CALD1: variants seen among roughly 807,000 people sequenced by gnomAD.
The protein encoded by CALD1 is caldesmon.
CALD1 carries 33 observed loss-of-function variants against 99.9 expected under a neutral mutation model. The ratio of observed to expected loss-of-function variants is 0.33; its 90% CI spans 0.25 to 0.44. The LOEUF is 0.44. Among genes scored for constraint, CALD1 ranks in the 20% least tolerant of loss-of-function variants. The probability of loss-of-function intolerance (pLI) is 1.00; values close to 1 mark genes in which losing one functional copy is unlikely to be tolerated. For synonymous variants in CALD1, 310 were observed against 325.0 expected, an observed-to-expected ratio of 0.95 and a Z score of 0.50; for missense variants, 861 against 962.1, an observed-to-expected ratio of 0.89 and a Z score of 1.39.
At chr7:134,917,444 G>A (rs1804295171) in intron 3 of CALD1, among the ~76,000 whole-genome samples, 1 of 152,100 alleles carries the variant, frequency 6.6e-6, no homozygotes, top group Admixed American at 6.6e-5. Context: ...CATTTCCTGG[G>A]TTCAAGAGAT....
chr7:134,758,963 T>C (rs1217949756), intron 1 of CALD1, among the ~76,000 whole-genome samples: 1 of 152,214 alleles, frequency 6.6e-6, no homozygotes, highest in African/African-American at 2.4e-5. Context: ...ATCAAGGTTG[T>C]TTAAAAATTC....
chr7:134,955,900 G>GGATA (rs1807728903), intron 9 of CALD1, among the ~76,000 whole-genome samples: 1 of 152,062 alleles, frequency 6.6e-6, no homozygotes, highest in East Asian at 1.9e-4. Context: ...ATAGATGGAT[G>GGATA]GATAGATGGA....
the CALD1 span, among the ~76,000 whole-genome samples, chr7:134,716,790 T>C: frequency 1.2e-3 from 183 of 152,350 alleles, 2 homozygotes; most frequent in African/African-American, 4.2e-3. Context: ...GTATTTATAC[T>C]GTAGACTTTG....
intron 1 of CALD1, among the ~76,000 whole-genome samples, chr7:134,748,455 A>C (rs944469335): frequency 4.6e-5 from 7 of 152,226 alleles, no homozygotes; most frequent in African/African-American, 1.2e-4. Context: ...CACGCCTATA[A>C]TCCCAGCACT....
intron 3 of CALD1, among the ~76,000 whole-genome samples, chr7:134,880,623 C>CT (rs1464938723): frequency 1.2e-5 from 1 of 80,622 alleles, no homozygotes; most frequent in Non-Finnish European, 2.8e-5. Context: ...AGATCTTGAT[C>CT]TTTTTTTAGT....
chr7:134,869,331 T>C (rs1441338750), intron 3 of CALD1, among the ~76,000 whole-genome samples: 1 of 152,216 alleles, frequency 6.6e-6, no homozygotes, highest in Non-Finnish European at 1.5e-5. Flanking sequence ...CTGTTCCTAT[T>C]TGCCATACAA....
the CALD1 span, among the ~76,000 whole-genome samples, chr7:134,733,174 T>C: frequency 6.6e-6 from 1 of 152,196 alleles, no homozygotes; most frequent in African/African-American, 2.4e-5. Flanking sequence ...AATAAAACTG[T>C]CTCTGAAGGA....
chr7:134,754,155 A>C (rs1796708505), intron 1 of CALD1, among the ~76,000 whole-genome samples: 1 of 152,218 alleles, frequency 6.6e-6, no homozygotes, highest in East Asian at 1.9e-4. Context: ...TGAGGAAGTC[A>C]CAACAGAGTG....
intron 1 of CALD1, among the ~76,000 whole-genome samples, chr7:134,791,527 C>A (rs1797532812): frequency 6.6e-6 from 1 of 152,136 alleles, no homozygotes; most frequent in South Asian, 2.1e-4. Context: ...CAGTAACCAA[C>A]TTTATGAAGG....
At chr7:134,942,139 A>G (rs985439699) in intron 7 of CALD1, among the ~76,000 whole-genome samples, 2 of 152,118 alleles carry the variant, frequency 1.3e-5, no homozygotes, top group Non-Finnish European at 2.9e-5. Flanking sequence ...TGTGCCGGAG[A>G]GGAGTCTTGG....
intron 2 of CALD1, among the ~76,000 whole-genome samples, chr7:134,848,954 C>T (rs534840278): frequency 1.8e-4 from 27 of 152,148 alleles, no homozygotes; most frequent in Admixed American, 3.3e-4. Context: ...CTGGATTGGA[C>T]CTTCTCCATC....
chr7:134,935,607 G>T, intron 5 of CALD1, 81 bp from the exon 6 acceptor site: 2 of 1,521,186 alleles, frequency 1.3e-6, no homozygotes, highest in South Asian at 1.3e-5. Context: ...CTTGCAAGGC[G>T]ATCCGAGCAC....
At chr7:134,891,273 C>G (rs1188732297) in intron 3 of CALD1, 2 of 604,388 alleles carry the variant, frequency 3.3e-6, no homozygotes, top group Non-Finnish European at 4.4e-6. Flanking sequence ...CCCTGACTAC[C>G]CAGCAATAAC....
chr7:134,817,975 C>T (rs968968457), intron 1 of CALD1, among the ~76,000 whole-genome samples: 2 of 152,090 alleles, frequency 1.3e-5, no homozygotes, highest in South Asian at 2.1e-4. Flanking sequence ...TTTGTTATAA[C>T]CTCATCTGTA....
At chr7:134,787,184 T>G (rs1324150180) in intron 1 of CALD1, among the ~76,000 whole-genome samples, 3 of 152,140 alleles carry the variant, frequency 2.0e-5, no homozygotes, top group Non-Finnish European at 2.9e-5. Context: ...AGCAAAACCT[T>G]TAGTTTTGCT....
intron 1 of CALD1, among the ~76,000 whole-genome samples, chr7:134,770,538 C>A (rs1244315939): frequency 6.6e-6 from 1 of 152,094 alleles, no homozygotes; most frequent in Non-Finnish European, 1.5e-5. Context: ...TCCATCCCTG[C>A]CTCTGTATTC....
rs146358981 is a variant in CALD1, at chr7:134,852,072, A to G, written c.-42+8101A>G. Among the ~76,000 whole-genome samples, 13 of 152,350 alleles carry G rather than the reference A, an allele frequency of 8.5e-5. No individual in the cohort carries two copies. In the East Asian group the frequency reaches 2.5e-3, roughly 29 times the overall value. On this transcript the variant is annotated intron_variant, in intron 2 of 14. Transcript: ENST00000361675. The stretch of plus-strand genomic sequence containing the variant: ...GTAGGCCTTGACACTGAGCAGCTTC[A>G]GACTTGGTCAAGAGAAAGTGATGGT...
intron 3 of CALD1, chr7:134,891,319 A>G: frequency 9.1e-7 from 1 of 1,100,580 alleles, no homozygotes; most frequent in Non-Finnish European, 1.1e-6. Flanking sequence ...GTGCTCTCTG[A>G]TCGCTAAACA....
At position 134,812,534 on chromosome 7, in the gene CALD1, T is replaced by C. The variant is rs115668660; in HGVS notation, c.-129-31350T>C. On this transcript the variant is annotated intron_variant, in intron 1 of 14. Transcript: ENST00000361675. ...TCTCCTACTTCCCACCCTTCAGAGA[T>C]GAGAGACTGCTATTATCCATTTACC... is the stretch of plus-strand genomic sequence containing the variant. Among the ~76,000 whole-genome samples, 1,211 of 150,416 alleles carry C rather than the reference T, an allele frequency of 8.1e-3. 16 individuals are homozygous for C. Among genetic ancestry groups the C allele is most frequent in the African/African-American group, 0.027 (1,119 of 40,772 alleles).
Sources: allele counts gnomAD v4.1 joint callset (sites outside exome capture counted in the v4.1 genomes callset), GRCh38; gene constraint gnomAD v4.1.1; transcripts MANE v1.5; gene names NCBI Gene and HGNC (gene_info 2026-07-23, HGNC 2026-07-21).